PKMYT1: variants seen among roughly 807,000 people sequenced by gnomAD.
PKMYT1 encodes membrane-associated tyrosine- and threonine-specific cdc2-inhibitory kinase.
Under a neutral mutation model 49.7 loss-of-function variants are expected in PKMYT1, and 35 were observed. That is an observed-to-expected ratio of 0.70 (90% CI 0.54 to 0.93). The LOEUF is 0.93. Ranked by LOEUF, PKMYT1 falls within the 40% of genes least tolerant of loss-of-function variation. PKMYT1 has a pLI of 0.00. For missense variants in PKMYT1, 677 were observed against 673.1 expected, an observed-to-expected ratio of 1.01 and a Z score of -0.06; for synonymous variants, 331 against 287.6, an observed-to-expected ratio of 1.15 and a Z score of -1.53.
chr16:2,973,592 G>A (rs1241497372), intron 7 of PKMYT1: 7 of 578,660 alleles, frequency 1.2e-5, no homozygotes, highest in Admixed American at 3.4e-5. Context: ...TGCCCTGAGC[G>A]TGTGGTTTCC....
chr16:2,978,852 G>T (rs1330417330), intron 2 of PKMYT1, among the ~76,000 whole-genome samples: 1 of 151,280 alleles, frequency 6.6e-6, no homozygotes, highest in Non-Finnish European at 1.5e-5. Context: ...TGTTGCCCAG[G>T]CTGGAGTGCA....
intron 2 of PKMYT1, among the ~76,000 whole-genome samples, chr16:2,977,884 T>C (rs561838505): frequency 9.2e-5 from 14 of 152,332 alleles, no homozygotes; most frequent in Non-Finnish European, 1.9e-4. Flanking sequence ...AGAGGCTAAA[T>C]TCCAGCTGAG....
chr16:2,975,503 C>T lies in PKMYT1; in HGVS notation c.688G>A (p.Val230Met), dbSNP rs2072164449. 6.2e-7 allele frequency: 1 copy of T among 1,612,664 alleles called. No individual in the cohort carries two copies. The highest frequency in any genetic ancestry group is 1.7e-5 in the Admixed American group (1 of 59,998). The change falls in exon 4 of 9, where the codon GTG becomes ATG. Residue 230 changes from valine (V) to methionine (M), a missense_variant. Transcript: ENST00000262300. Reference protein sequence around the residue: ...ALAHLHSQGLVHLDVKPANIF... With the variant: ...ALAHLHSQGLMHLDVKPANIF... ...TTGGCAGGCTTGACATCAAGGTGCA[C>T]CAGGCCCTGGCTGTGCAGATGGGCC... is the stretch of plus-strand genomic sequence containing the variant.
At chr16:2,976,175 G>A (rs1471020758) in intron 3 of PKMYT1, 1 of 278,654 alleles carries the variant, frequency 3.6e-6, no homozygotes, top group Admixed American at 4.9e-5. Context: ...AATGTTGTTT[G>A]TACTTTTTAA....
chr16:2,977,581 A>T lies in PKMYT1; in HGVS notation c.11-550T>A, dbSNP rs903511842. 5.2e-6 allele frequency: 4 copies of T among 776,288 alleles called. No individual in the cohort carries two copies. In the African/African-American group the frequency reaches 7.6e-5, roughly 15 times the overall value. The allele number at this position is 776,288 out of a possible 1,614,324, so 48.1% of individuals were successfully genotyped here. A position where few individuals can be genotyped will look rare whatever the true frequency, so the allele number is the denominator to read the frequency against. On this transcript the variant is annotated intron_variant, in intron 2 of 8. Coordinates refer to ENST00000262300, the MANE Select transcript of PKMYT1 (RefSeq NM_004203.5). ...TGAAACAGCACAACTGATGACGATT[A>T]TTCAAAAGCAAGCACTGAAAGCCTC...
In PKMYT1 at chr16:2,979,689, G is replaced by A. The variant is rs750279591; in HGVS notation, c.-32C>T. 1 of 1,613,798 alleles carries A rather than the reference G, an allele frequency of 6.2e-7. No homozygotes were observed. Among genetic ancestry groups the A allele is most frequent in the Non-Finnish European group, 8.5e-7 (1 of 1,179,864 alleles). ...CCTGGCCCAACAGCCTCAGTGGTGGGACGGGGGAGGCAGGAGCAGGGGCTC... is the reference window on the plus strand; with the variant it reads ...CCTGGCCCAACAGCCTCAGTGGTGGAACGGGGGAGGCAGGAGCAGGGGCTC... On this transcript the variant is annotated 5_prime_UTR_variant, in exon 2 of 9. Transcript: ENST00000262300.
Position 2,975,434 on chromosome 16 carries a change from C to G in PKMYT1, c.757G>C (p.Gly253Arg), listed in dbSNP as rs762783250. The G allele has an allele frequency of 1.9e-6, 3 of 1,613,144 alleles. No individual in the cohort carries two copies. The highest frequency in any genetic ancestry group is 2.7e-5 in the African/African-American group (2 of 74,938). ...GCTGTACCCAGCTCCACCAGCAGTCCGAAGTCACCCAGCTTGCAGCGGCCC... is the reference window on the plus strand; with the variant it reads ...GCTGTACCCAGCTCCACCAGCAGTCGGAAGTCACCCAGCTTGCAGCGGCCC... ...PRGRCKLGDF[G>R]LLVELGTAGA... Residue 253 changes from glycine (G) to arginine (R), a missense_variant, in exon 4 of 9, where the codon GGA becomes CGA. Physicochemically the swap from Gly to Arg is moderately radical, Grantham distance 125 (BLOSUM62 -2). Transcript: ENST00000262300.
At chr16:2,978,013 C>T (rs1376536432) in intron 2 of PKMYT1, among the ~76,000 whole-genome samples, 2 of 152,158 alleles carry the variant, frequency 1.3e-5, no homozygotes, top group Admixed American at 1.3e-4. Context: ...AGGAAGGAGG[C>T]TCCACACTGG....
intron 2 of PKMYT1, among the ~76,000 whole-genome samples, chr16:2,978,280 T>A (rs2072252477): frequency 6.6e-6 from 1 of 152,068 alleles, no homozygotes; most frequent in African/African-American, 2.4e-5. Flanking sequence ...CAGTGGAAGT[T>A]TTGGTGGTGC....
chr16:2,979,729 G>T lies in PKMYT1; in HGVS notation c.-72C>A, dbSNP rs1446726006. ...AGCAGGGGCTCCCACGTGAATCCAG[G>T]GTGTCCCTGAGCTAAGGCCAGGCGG... On this transcript the variant is annotated 5_prime_UTR_variant, in exon 2 of 9. Transcript: ENST00000262300. 3 of 1,609,316 alleles carry T rather than the reference G, an allele frequency of 1.9e-6. No homozygotes were observed. In the African/African-American group the frequency reaches 4.0e-5, roughly 22 times the overall value.
In PKMYT1 at chr16:2,976,940, G is replaced by A. The variant is rs1253469516; in HGVS notation, c.102C>T (p.His34=). The change falls in exon 3 of 9, where the codon CAC becomes CAT. Residue 34 remains histidine (H), a synonymous_variant. Transcript: ENST00000262300. ...TCTTGAGGGAGAATCCAGGTTCTGC[G>A]TGGCGGAAGTAGGCTGGGACTGGGA... is the stretch of plus-strand genomic sequence containing the variant. ...TPIPVPAYFR[H]AEPGFSLKRP... is the part of the protein sequence containing the mutation. The A allele has an allele frequency of 4.5e-6, 7 of 1,550,570 alleles. No individual in the cohort carries two copies. Among genetic ancestry groups the A allele is most frequent in the African/African-American group, 1.4e-5 (1 of 73,544 alleles).
rs777008545 is a variant in PKMYT1 at position 2,973,081 on chromosome 16, G to A, written c.1389-17C>T. 6 of 1,584,254 alleles carry A rather than the reference G, an allele frequency of 3.8e-6. No homozygotes were observed. Among genetic ancestry groups the A allele is most frequent in the Non-Finnish European group, 5.2e-6 (6 of 1,164,340 alleles). On this transcript the variant is annotated splice_polypyrimidine_tract_variant and intron_variant, in intron 8 of 8. Transcript: ENST00000262300. ...AGGGCATCCCTGGGAGGAGAGAGTA[G>A]TGACACTCAGGATCCAAAAGCTAGC...
chr16:2,976,968 G>A lies in PKMYT1; in HGVS notation c.74C>T (p.Pro25Leu), dbSNP rs2072213857. The A allele has an allele frequency of 6.4e-7, 1 of 1,558,978 alleles. No homozygotes were observed. Among genetic ancestry groups the A allele is most frequent in the Non-Finnish European group, 8.7e-7 (1 of 1,151,210 alleles). Reference protein sequence around the residue: ...EGTPPPLSGTPIPVPAYFRHA... With the variant: ...EGTPPPLSGTLIPVPAYFRHA... ...GCGGAAGTAGGCTGGGACTGGGATG[G>A]GGGTGCCACTCAGAGGTGGCGGGGT... Residue 25 changes from proline (P) to leucine (L), a missense_variant, in exon 3 of 9, where the codon CCC (proline) becomes CTC (leucine). Pro to Leu is a moderately conservative substitution (Grantham distance 98). Transcript: ENST00000262300.
In PKMYT1 at chr16:2,979,288, T is replaced by C. The variant is rs1015737727; in HGVS notation, c.10+360A>G. Among the ~76,000 whole-genome samples, 22 of 152,100 alleles carry C rather than the reference T, an allele frequency of 1.4e-4. No homozygotes were observed. The Middle Eastern group carries it at 0.01, about 71-fold the overall frequency. ...GGTGGAAGTTGCGGTGAGCCGAGATTGCGGCATTGCACTCCAACTGGGCGA... is the reference window on the plus strand; with the variant it reads ...GGTGGAAGTTGCGGTGAGCCGAGATCGCGGCATTGCACTCCAACTGGGCGA... On this transcript the variant is annotated intron_variant, in intron 2 of 8. Coordinates refer to ENST00000262300, the MANE Select transcript of PKMYT1 (RefSeq NM_004203.5).
intron 1 of PKMYT1, 87 bp from the exon 2 acceptor site, chr16:2,979,999 A>C (rs1596457632): frequency 2.8e-6 from 1 of 362,822 alleles, no homozygotes; most frequent in South Asian, 3.2e-5. Context: ...AGGGGCTGTC[A>C]CGGAGGAAGG....
At chr16:2,979,199 C>T (rs78441836) in intron 2 of PKMYT1, among the ~76,000 whole-genome samples, 1 of 151,722 alleles carries the variant, frequency 6.6e-6, no homozygotes, top group East Asian at 2.0e-4. Context: ...GCCGGGCGTG[C>T]TGGTGCATGC....
chr16:2,973,536 T>C (rs918201765), intron 7 of PKMYT1: 12 of 1,127,934 alleles, frequency 1.1e-5, no homozygotes, highest in Middle Eastern at 2.5e-4. Flanking sequence ...GATGAGGTGA[T>C]GTGTTTGTAA....
intron 3 of PKMYT1, 23 bp downstream of exon 3, chr16:2,976,641 C>A (rs1301431420): frequency 2.1e-6 from 3 of 1,436,656 alleles, no homozygotes; most frequent in African/African-American, 2.9e-5. Flanking sequence ...CCAGATGGGC[C>A]TAGAAGCCGT....
At position 2,976,804 on chromosome 16, in the gene PKMYT1, G is replaced by A. The variant is rs779362929; in HGVS notation, c.238C>T (p.Arg80Trp). Residue 80 changes from arginine to tryptophan, a missense_variant, in exon 3 of 9, where the codon CGG (arginine) becomes TGG (tryptophan). Arg to Trp is a moderately radical substitution (Grantham distance 101). Transcript: ENST00000262300. Reference protein sequence around the residue: ...RTPGWHQLQPRRVSFRGEASE... With the variant: ...RTPGWHQLQPWRVSFRGEASE... ...GCCTCGCCCCGGAATGACACCCGCC[G>A]GGGCTGCAGCTGGTGCCAGCCTGGG... The A allele has an allele frequency of 1.5e-5, 24 of 1,575,670 alleles. No individual in the cohort carries two copies. The highest frequency in any genetic ancestry group is 2.0e-5 in the Non-Finnish European group (23 of 1,158,904).
Sources: allele counts gnomAD v4.1 joint callset (sites outside exome capture counted in the v4.1 genomes callset), GRCh38; gene constraint gnomAD v4.1.1; transcripts MANE v1.5; gene names NCBI Gene and HGNC (gene_info 2026-07-23, HGNC 2026-07-21).